AQR: variants seen among roughly 807,000 people sequenced by gnomAD.
AQR encodes the protein RNA helicase aquarius.
AQR carries 61 observed loss-of-function variants against 180.5 expected under a neutral mutation model. That is an observed-to-expected ratio of 0.34 (90% confidence interval 0.28 to 0.42). The LOEUF (loss-of-function observed/expected upper bound fraction) is 0.42, where lower values mean the gene tolerates loss of function less well. AQR is among the 10% of genes least tolerant of loss of function. The probability of loss-of-function intolerance (pLI) is 1.00; values close to 1 mark genes in which losing one functional copy is unlikely to be tolerated. For synonymous variants in AQR, 551 were observed against 588.8 expected, an observed-to-expected ratio of 0.94 and a Z score of 0.93; for missense variants, 1,281 against 1,798.3, an observed-to-expected ratio of 0.71 and a Z score of 5.20.
intron 6 of AQR, among the ~76,000 whole-genome samples, chr15:34,943,828 C>T (rs1962035153): frequency 6.6e-6 from 1 of 152,158 alleles, no homozygotes; most frequent in South Asian, 2.1e-4. Flanking sequence ...TTACACTTGG[C>T]CTTTATCAGT....
chr15:34,906,475 A>G, intron 18 of AQR, 70 bp downstream of exon 18: 1 of 1,549,458 alleles, frequency 6.5e-7, no homozygotes, highest in Non-Finnish European at 8.7e-7. Flanking sequence ...CCTAAGAAGC[A>G]AAAAGGGAAA....
At chr15:34,933,272 T>A (rs932877097) in intron 10 of AQR, among the ~76,000 whole-genome samples, 1 of 152,188 alleles carries the variant, frequency 6.6e-6, no homozygotes, top group Admixed American at 6.5e-5. Flanking sequence ...AAAGATCTCA[T>A]GAATGACTGC....
At chr15:34,910,377 G>A (rs1893482067) in intron 16 of AQR, 64 bp from the exon 17 acceptor site, 1 of 1,538,396 alleles carries the variant, frequency 6.5e-7, no homozygotes, top group African/African-American at 1.4e-5. Flanking sequence ...TTTTAGACAA[G>A]TTAAAACTAG....
chr15:34,969,448 A>T (rs7164169), intron 1 of AQR, 91 bp downstream of exon 1: 2 of 1,320,198 alleles, frequency 1.5e-6, no homozygotes, highest in Non-Finnish European at 2.1e-6. Flanking sequence ...CCTCCTCCGG[A>T]CTCCTAAATC....
intron 18 of AQR, among the ~76,000 whole-genome samples, chr15:34,905,520 A>T (rs1418381657): frequency 6.6e-6 from 1 of 151,956 alleles, no homozygotes; most frequent in Admixed American, 6.5e-5. Flanking sequence ...TTCTGTTCAG[A>T]TGTTTAGCAT....
chr15:34,925,764 C>T (rs948517831), intron 13 of AQR, among the ~76,000 whole-genome samples: 1 of 151,598 alleles, frequency 6.6e-6, no homozygotes, highest in Non-Finnish European at 1.5e-5. Context: ...ACCCAGGAGG[C>T]AGAGGTTGCA....
At position 34,932,377 on chromosome 15, in the gene AQR, C is replaced by T. The variant is rs1199034034; in HGVS notation, c.841G>A (p.Val281Ile). 1.2e-6 allele frequency: 2 copies of T among 1,613,226 alleles called. No individual in the cohort carries two copies. Among genetic ancestry groups the T allele is most frequent in the Non-Finnish European group, 1.7e-6 (2 of 1,179,730 alleles). The change falls in exon 11 of 35, where the codon GTT becomes ATT. Residue 281 changes from valine (V) to isoleucine (I), a missense_variant. Val to Ile is a conservative substitution (Grantham distance 29). Transcript: ENST00000156471. ...NTILDDSHLL[V>I]HCYLSNLVRR... ...ACAAGATTGGAAAGGTAACAGTGAA[C>T]CAGAAGGTGGGAATCATCCAGGATG...
At chr15:34,927,458 T>C (rs899653050) in intron 12 of AQR, among the ~76,000 whole-genome samples, 12 of 152,168 alleles carry the variant, frequency 7.9e-5, no homozygotes, top group South Asian at 2.1e-4. Flanking sequence ...ACACACTTGA[T>C]TATCAAGAAC....
intron 3 of AQR, among the ~76,000 whole-genome samples, chr15:34,959,034 T>A (rs1033923022): frequency 6.6e-6 from 1 of 151,924 alleles, no homozygotes; most frequent in South Asian, 2.1e-4. Flanking sequence ...TATATAGATA[T>A]CTGTCTGTCC....
intron 34 of AQR, among the ~76,000 whole-genome samples, chr15:34,858,230 T>C (rs557538866): frequency 1.9e-4 from 28 of 146,804 alleles, no homozygotes; most frequent in East Asian, 1.2e-3. Context: ...GTGATCCACC[T>C]ACCTCAGCCT....
chr15:34,932,340 T>G lies in AQR; in HGVS notation c.878A>C (p.Glu293Ala). 1.2e-6 allele frequency: 2 copies of G among 1,613,318 alleles called. No homozygotes were observed. Among genetic ancestry groups the G allele is most frequent in the Non-Finnish European group, 1.7e-6 (2 of 1,179,282 alleles). Residue 293 changes from glutamate to alanine, a missense_variant, in exon 11 of 35, where the codon GAG becomes GCG. By Grantham distance (107) the Glu-to-Ala change is moderately radical. This residue lies in a region of AQR where 404 missense variants were observed against 490.9 expected (regional missense o/e 0.82). Transcript: ENST00000156471. The part of the protein sequence containing the change: ...CYLSNLVRRE[E>A]DGHLFSQLLD... The stretch of plus-strand genomic sequence containing the variant: ...CACCTGGGAAAAAAGATGGCCATCC[T>G]CTTCTCTACGAACAAGATTGGAAAG...
Position 34,884,707 on chromosome 15 carries a change from T to C in AQR, c.2845A>G (p.Ser949Gly). ...QVMSRWEEYI[S>G]KVKNKGSTLP... Reference sequence around the variant, plus strand: ...GTACTACCTTTATTTTTCACTTTGCTGATATACTCTTCCCAGCGAGACATT... The same window carrying C: ...GTACTACCTTTATTTTTCACTTTGCCGATATACTCTTCCCAGCGAGACATT... The change falls in exon 26 of 35, where the codon AGC (serine) becomes GGC (glycine). Residue 949 changes from serine to glycine, a missense_variant. Physicochemically the swap from Ser to Gly is moderately conservative, Grantham distance 56. Coordinates refer to ENST00000156471, the MANE Select transcript of AQR (RefSeq NM_014691.3). 6.2e-7 allele frequency: 1 copy of C among 1,604,280 alleles called. No homozygotes were observed. Among genetic ancestry groups the C allele is most frequent in the African/African-American group, 1.3e-5 (1 of 74,430 alleles).
chr15:34,900,893 G>T, intron 19 of AQR, 30 bp from the exon 20 acceptor site: 1 of 1,557,142 alleles, frequency 6.4e-7, no homozygotes, highest in Non-Finnish European at 8.7e-7. Context: ...AAAAGATTGT[G>T]TCAGTATGAC....
At chr15:34,922,839 G>A (rs1421260682) in intron 13 of AQR, among the ~76,000 whole-genome samples, 2 of 151,828 alleles carry the variant, frequency 1.3e-5, no homozygotes, top group Admixed American at 1.3e-4. Flanking sequence ...AATTCTAATA[G>A]GTATGTAGTA....
intron 27 of AQR, among the ~76,000 whole-genome samples, chr15:34,879,769 T>C (rs139802090): frequency 1.8e-4 from 28 of 152,198 alleles, no homozygotes; most frequent in Non-Finnish European, 2.9e-4. Flanking sequence ...TCACCCCCAA[T>C]AGACAACAGG....
intron 4 of AQR, among the ~76,000 whole-genome samples, chr15:34,950,224 A>G (rs1036397434): frequency 1.1e-4 from 16 of 149,870 alleles, no homozygotes; most frequent in Non-Finnish European, 1.9e-4. Flanking sequence ...TGAGTAGCTG[A>G]GATTACAGGC....
intron 33 of AQR, among the ~76,000 whole-genome samples, chr15:34,862,460 G>C (rs895648624): frequency 2.0e-5 from 3 of 152,042 alleles, no homozygotes; most frequent in African/African-American, 7.2e-5. Flanking sequence ...TAACCTAATA[G>C]GCTGTTTTTA....
At chr15:34,893,554 A>T in intron 23 of AQR, 109 bp downstream of exon 23, 1 of 877,880 alleles carries the variant, frequency 1.1e-6, no homozygotes, top group Non-Finnish European at 1.8e-6. Flanking sequence ...TGTGTCCCAC[A>T]CTTACCTCCC....
chr15:34,946,872 T>G (rs1298814814), intron 5 of AQR, among the ~76,000 whole-genome samples: 1 of 129,006 alleles, frequency 7.8e-6, no homozygotes, highest in African/African-American at 3.0e-5. Flanking sequence ...AGCCGCCCCG[T>G]CCGGGAGGGA....
Sources: gnomAD v4.1 joint callset for allele counts (sites outside exome capture counted in the v4.1 genomes callset) on GRCh38, gnomAD v4.1.1 for gene constraint, gnomAD v4.1.1 regional missense constraint, MANE v1.5 for transcripts, NCBI Gene and HGNC (gene_info 2026-07-23, HGNC 2026-07-21) for gene names.